The following WNK3 variants were observed in gnomAD, a reference collection of about 807,000 sequenced individuals.
WNK3 encodes the protein serine/threonine-protein kinase WNK3.
Under a neutral mutation model 116.7 loss-of-function variants are expected in WNK3, and 18 were observed. The ratio of observed to expected loss-of-function variants is 0.15; its 90% CI spans 0.11 to 0.23. The LOEUF (loss-of-function observed/expected upper bound fraction) is 0.23, where lower values mean the gene tolerates loss of function less well. Ranked by LOEUF, WNK3 falls within the 10% of genes least tolerant of loss-of-function variation. The probability of loss-of-function intolerance (pLI) is 1.00; values close to 1 mark genes in which losing one functional copy is unlikely to be tolerated. For missense variants in WNK3, 993 were observed against 1,323.8 expected (o/e 0.75, Z 3.88); for synonymous variants, 404 against 469.4 (o/e 0.86, Z 1.80).
chrX:54,283,026 A>G (rs1382677591), intron 10 of WNK3, among the ~76,000 whole-genome samples: 1 of 112,626 alleles, frequency 8.9e-6, no homozygotes, highest in African/African-American at 3.2e-5. Context: ...AAGAAGGTGA[A>G]AAGACAACAC....
At chrX:54,252,065 C>CAAAAAAAAAAAAAAAAAGAAAA in intron 13 of WNK3, among the ~76,000 whole-genome samples, 1 of 29,918 alleles carries the variant, frequency 3.3e-5, no homozygotes, top group Non-Finnish European at 6.6e-5. Flanking sequence ...AACTCTGTCT[C>CAAAAAAAAAAAAAAAAAGAAAA]AAAAAAAAAA....
intron 3 of WNK3, 127 bp from the exon 4 acceptor site, chrX:54,309,442 T>C: frequency 7.8e-6 from 4 of 509,751 alleles, no homozygotes; most frequent in Non-Finnish European, 6.4e-6. Context: ...TTGTTTTCTA[T>C]TGTCTGTTAT....
At chrX:54,289,903 C>T (rs782785599) in intron 10 of WNK3, among the ~76,000 whole-genome samples, 1 of 111,797 alleles carries the variant, frequency 8.9e-6, no homozygotes, top group Non-Finnish European at 1.9e-5. Flanking sequence ...TCTAGGATCA[C>T]GCTCAAGTTG....
At chrX:54,205,927 G>A (rs1005252339) in intron 22 of WNK3, among the ~76,000 whole-genome samples, 74 of 111,387 alleles carry the variant, frequency 6.6e-4, no homozygotes, top group African/African-American at 2.2e-3. Context: ...TAAAACCAGA[G>A]TTCAGTCCTT....
chrX:54,298,043 A>G, intron 7 of WNK3, 132 bp downstream of exon 7: 1 of 486,897 alleles, frequency 2.1e-6, no homozygotes, highest in Non-Finnish European at 3.5e-6. Context: ...ACTGCACTCC[A>G]GCCTGGGTGA....
At chrX:54,332,421 GAA>G (rs782122125) in intron 2 of WNK3, among the ~76,000 whole-genome samples, 3 of 111,623 alleles carry the variant, frequency 2.7e-5, no homozygotes, top group Non-Finnish European at 3.8e-5. Flanking sequence ...TTTATTGAAA[GAA>G]AAAGAGAAAA....
chrX:54,295,192 G>A (rs1361348674), intron 7 of WNK3, among the ~76,000 whole-genome samples: 7 of 108,612 alleles, frequency 6.4e-5, no homozygotes, highest in African/African-American at 2.0e-4. Flanking sequence ...CACCGCGCCC[G>A]GCCAATTTTA....
intron 2 of WNK3, among the ~76,000 whole-genome samples, chrX:54,331,549 G>T (rs2069171869): frequency 9.0e-6 from 1 of 110,886 alleles, no homozygotes; most frequent in Non-Finnish European, 1.9e-5. Context: ...TTCTTAAAGG[G>T]TAAAAAGCAG....
intron 21 of WNK3, among the ~76,000 whole-genome samples, chrX:54,230,023 T>G (rs1371297381): frequency 8.9e-6 from 1 of 111,752 alleles, no homozygotes; most frequent in African/African-American, 3.2e-5. Context: ...TAAAGTATAC[T>G]TTATTAAAAT....
chrX:54,239,952 G>T (rs1557151198), intron 17 of WNK3, among the ~76,000 whole-genome samples: 2 of 112,419 alleles, frequency 1.8e-5, no homozygotes, highest in East Asian at 5.5e-4. Flanking sequence ...TTTAGCATTT[G>T]CCTGAAAGAA....
At chrX:54,333,063 T>C (rs1286778377) in intron 2 of WNK3, 74 bp downstream of exon 2, 3 of 724,653 alleles carry the variant, frequency 4.1e-6, no homozygotes, top group Non-Finnish European at 6.1e-6. Context: ...GATACATGGA[T>C]AATCATGAAT....
chrX:54,239,160 G>A (rs1487767560), intron 17 of WNK3, 61 bp from the exon 18 acceptor site: 54 of 660,139 alleles, frequency 8.2e-5, no homozygotes, highest in Non-Finnish European at 1.0e-4. Context: ...CAAAACAACC[G>A]AGAAAAACCA....
At chrX:54,263,170 T>G (rs1406609848) in intron 10 of WNK3, among the ~76,000 whole-genome samples, 1 of 111,022 alleles carries the variant, frequency 9.0e-6, no homozygotes, top group African/African-American at 3.3e-5. Context: ...ACAAAAGAGA[T>G]AAAAAGCTAA....
chrX:54,247,800 A>AT (rs2068087718), intron 17 of WNK3, among the ~76,000 whole-genome samples: 1 of 111,664 alleles, frequency 9.0e-6, no homozygotes, highest in Non-Finnish European at 1.9e-5. Flanking sequence ...ACAGCACAGT[A>AT]TTTTTATGAA....
At chrX:54,235,518 C>G (rs1365019785) in intron 20 of WNK3, among the ~76,000 whole-genome samples, 4 of 111,153 alleles carry the variant, frequency 3.6e-5, no homozygotes, top group African/African-American at 1.3e-4. Context: ...AACTCCTGAC[C>G]TCAGGTGATC....
At chrX:54,224,811 C>T (rs782109217) in intron 22 of WNK3, among the ~76,000 whole-genome samples, 7 of 110,639 alleles carry the variant, frequency 6.3e-5, no homozygotes, top group Non-Finnish European at 1.1e-4. Context: ...CCTTGTGATC[C>T]GCCCACCTCG....
chrX:54,314,192 CAAAAAAAAAAACAAA>C (rs1173293002), intron 2 of WNK3, among the ~76,000 whole-genome samples: 45 of 39,704 alleles, frequency 1.1e-3, no homozygotes, highest in African/African-American at 2.8e-3. Flanking sequence ...GACTCTGTCT[CAAAAAAAAAAACAAA>C]AAAAAAAAAA....
At chrX:54,238,735 T>C (rs2067990235) in intron 18 of WNK3, 133 bp downstream of exon 18, 1 of 551,794 alleles carries the variant, frequency 1.8e-6, no homozygotes, top group Non-Finnish European at 2.8e-6. Context: ...AAAATGGCAA[T>C]GACATTAATG....
At chrX:54,243,882 G>A (rs1419446255) in intron 17 of WNK3, among the ~76,000 whole-genome samples, 3 of 111,816 alleles carry the variant, frequency 2.7e-5, no homozygotes, top group African/African-American at 9.7e-5. Context: ...CAACCTAAAT[G>A]TCCACAAACC....
Sources: allele counts gnomAD v4.1 joint callset (sites outside exome capture counted in the v4.1 genomes callset), GRCh38; gene constraint gnomAD v4.1.1; transcripts MANE v1.5; gene names NCBI Gene and HGNC (gene_info 2026-07-23, HGNC 2026-07-21).